The following TJP1 variants were observed in gnomAD, a reference collection of about 807,000 sequenced individuals.
TJP1 encodes tight junction protein 1.
A neutral mutation model predicts 194.2 loss-of-function variants in TJP1; 43 were observed. The ratio of observed to expected loss-of-function variants is 0.22; its 90% CI spans 0.17 to 0.29. TJP1 has a LOEUF of 0.29. Among genes scored for constraint, TJP1 ranks in the 10% least tolerant of loss-of-function variants. TJP1 has a pLI of 1.00. For missense variants in TJP1, 1,971 were observed against 2,185.7 expected (o/e 0.90, Z 1.96); for synonymous variants, 801 against 779.0 (o/e 1.03, Z -0.47).
intron 2 of TJP1, among the ~76,000 whole-genome samples, chr15:29,943,264 T>C (rs1329861417): frequency 6.6e-6 from 1 of 152,232 alleles, no homozygotes; most frequent in Admixed American, 6.5e-5. Context: ...TAATCCTTCT[T>C]TCCCTAAGTG....
chr15:29,811,649 T>C (rs952336788), intron 1 of TJP1, among the ~76,000 whole-genome samples: 4 of 152,212 alleles, frequency 2.6e-5, no homozygotes, highest in African/African-American at 4.8e-5. Flanking sequence ...GTATCTCTTA[T>C]CTAATGCCAT....
chr15:29,943,386 T>G (rs2055152480), intron 2 of TJP1, among the ~76,000 whole-genome samples: 2 of 152,136 alleles, frequency 1.3e-5, no homozygotes, highest in Non-Finnish European at 2.9e-5. Flanking sequence ...TCCCAGCACT[T>G]TGGGAGGCCG....
intron 7 of TJP1, 30 bp downstream of exon 7, chr15:29,761,571 G>T: frequency 6.4e-7 from 1 of 1,570,316 alleles, no homozygotes; most frequent in Middle Eastern, 1.7e-4. Flanking sequence ...AGGTCACTTA[G>T]AGGGAACGTT....
intron 8 of TJP1, among the ~76,000 whole-genome samples, chr15:29,760,655 G>A (rs2045943347): frequency 6.6e-6 from 1 of 152,146 alleles, no homozygotes; most frequent in Admixed American, 6.5e-5. Context: ...GGGATTACAG[G>A]TGTGAGCCAC....
At chr15:29,772,318 T>C in intron 3 of TJP1, 152 bp from the exon 4 acceptor site, 2 of 559,342 alleles carry the variant, frequency 3.6e-6, no homozygotes, top group East Asian at 3.2e-5. Context: ...TAATGTCAAC[T>C]GACTTACTTT....
At chr15:29,968,165 G>A in intron 1 of TJP1, 3 of 985,418 alleles carry the variant, frequency 3.0e-6, no homozygotes, top group Non-Finnish European at 3.6e-6. Flanking sequence ...CCCTGACAAT[G>A]CAATAATAAT....
At chr15:29,726,318 C>T in intron 18 of TJP1, 61 bp downstream of exon 18, 1 of 1,362,100 alleles carries the variant, frequency 7.3e-7, no homozygotes, top group Non-Finnish European at 1.0e-6. Flanking sequence ...ATCTCAAAAG[C>T]ATCTCTGATT....
chr15:29,800,800 A>G, intron 1 of TJP1, 98 bp from the exon 2 acceptor site: 2 of 1,176,496 alleles, frequency 1.7e-6, no homozygotes, highest in Non-Finnish European at 2.5e-6. Context: ...CTGAAATACC[A>G]AAATTCACAG....
At chr15:29,723,024 C>T (rs954156455) in intron 18 of TJP1, among the ~76,000 whole-genome samples, 9 of 152,130 alleles carry the variant, frequency 5.9e-5, no homozygotes, top group Admixed American at 2.6e-4. Context: ...TTGGAAGTAA[C>T]TAACTTGTTT....
chr15:29,934,759 T>C (rs747015957), intron 2 of TJP1, among the ~76,000 whole-genome samples: 10 of 152,230 alleles, frequency 6.6e-5, no homozygotes, highest in Non-Finnish European at 1.3e-4. Flanking sequence ...ACTTCTAAAG[T>C]AGTTTTCAAC....
chr15:29,752,215 G>A (rs1248267429), intron 8 of TJP1, among the ~76,000 whole-genome samples: 1 of 151,820 alleles, frequency 6.6e-6, no homozygotes, highest in Non-Finnish European at 1.5e-5. Flanking sequence ...CGATTCTCCT[G>A]CCTCAGCCTT....
chr15:29,801,154 T>C (rs113948176), intron 1 of TJP1, among the ~76,000 whole-genome samples: 1 of 152,200 alleles, frequency 6.6e-6, no homozygotes, highest in Non-Finnish European at 1.5e-5. Flanking sequence ...AAACCATTAA[T>C]AGGTTTGGCA....
In TJP1 at chr15:29,718,041, T is replaced by C; in HGVS notation, c.3954A>G (p.Glu1318=). 6.2e-7 allele frequency: 1 copy of C among 1,613,212 alleles called. No homozygotes were observed. The highest frequency in any genetic ancestry group is 8.5e-7 in the Non-Finnish European group (1 of 1,179,818). The change falls in exon 22 of 28, where the codon GAA becomes GAG. Residue 1318 remains glutamate, a synonymous_variant. Coordinates refer to ENST00000614355, the MANE Select transcript of TJP1 (RefSeq NM_001330239.4). Reference sequence around the variant, plus strand: ...CTCACCTGTACAGAGTTTTGTCATGTTCACTGAATTGATTCTGAGAAGTGG... The same window carrying C: ...CTCACCTGTACAGAGTTTTGTCATGCTCACTGAATTGATTCTGAGAAGTGG... ...PKPTSQNQFS[E]HDKTLYRIPE... is the part of the protein sequence containing the mutation.
At chr15:29,757,849 C>T (rs542098614) in intron 8 of TJP1, among the ~76,000 whole-genome samples, 16 of 152,270 alleles carry the variant, frequency 1.1e-4, no homozygotes, top group Non-Finnish European at 1.6e-4. Context: ...TGAGATTTAA[C>T]TGTGTGGGTC....
chr15:29,960,848 ATAATGACC>A (rs977098356), intron 1 of TJP1, among the ~76,000 whole-genome samples: 4 of 152,162 alleles, frequency 2.6e-5, no homozygotes, highest in Non-Finnish European at 4.4e-5. Flanking sequence ...ATATGGCTCA[ATAATGACC>A]CCCCTTTGTT....
rs1596039258 is a variant in TJP1, at chr15:29,822,129, G to A, written c.-101C>T. 4 of 1,202,190 alleles carry A rather than the reference G, an allele frequency of 3.3e-6. No homozygotes were observed. Among genetic ancestry groups the A allele is most frequent in the South Asian group, 4.1e-5 (1 of 24,558 alleles). The allele number at this position is 1,202,190 out of a possible 1,614,324, so 74.5% of individuals were successfully genotyped here. ...CACAGCCCAAATAAACATCTCCCGAGAGCGAGCGGGGCACGGGCGGGGGCG... is the reference window on the plus strand; with the variant it reads ...CACAGCCCAAATAAACATCTCCCGAAAGCGAGCGGGGCACGGGCGGGGGCG... On this transcript the variant is annotated 5_prime_UTR_variant, in exon 1 of 28. Transcript: ENST00000614355.
At chr15:29,966,585 T>A (rs1368358810) in intron 1 of TJP1, among the ~76,000 whole-genome samples, 8 of 152,110 alleles carry the variant, frequency 5.3e-5, no homozygotes, top group Non-Finnish European at 1.2e-4. Flanking sequence ...TATTTCCCAA[T>A]CACAAATTAT....
At chr15:29,892,696 C>T (rs1377876416) in intron 2 of TJP1, among the ~76,000 whole-genome samples, 1 of 152,184 alleles carries the variant, frequency 6.6e-6, no homozygotes, top group Non-Finnish European at 1.5e-5. Flanking sequence ...GATAGCAGCA[C>T]TCTGTTTACA....
At chr15:29,951,302 G>A (rs1307671708) in intron 2 of TJP1, among the ~76,000 whole-genome samples, 1 of 151,826 alleles carries the variant, frequency 6.6e-6, no homozygotes, top group Non-Finnish European at 1.5e-5. Context: ...CAAGTAGCTG[G>A]GATTATAGGT....
Sources: allele counts gnomAD v4.1 joint callset (sites outside exome capture counted in the v4.1 genomes callset), GRCh38; gene constraint gnomAD v4.1.1; transcripts MANE v1.5; gene names NCBI Gene and HGNC (gene_info 2026-07-23, HGNC 2026-07-21).